Variants in ADGRG3 observed in about 807,000 individuals in gnomAD.
ADGRG3 encodes adhesion G protein-coupled receptor G3, also known as G protein-coupled receptor 97.
A neutral mutation model predicts 54.3 loss-of-function variants in ADGRG3; 39 were observed. The ratio of observed to expected loss-of-function variants is 0.72; its 90% CI spans 0.56 to 0.94. The LOEUF (loss-of-function observed/expected upper bound fraction) is 0.94. Among genes scored for constraint, ADGRG3 ranks in the 40% least tolerant of loss-of-function variants. ADGRG3 has a pLI of 0.00. For synonymous variants in ADGRG3, 312 were observed against 290.0 expected (o/e 1.08, Z -0.77); for missense variants, 654 against 694.6 (o/e 0.94, Z 0.66).
At chr16:57,672,976 G>A (rs1403296094) in intron 1 of ADGRG3, among the ~76,000 whole-genome samples, 1 of 152,220 alleles carries the variant, frequency 6.6e-6, no homozygotes, top group Admixed American at 6.5e-5. Flanking sequence ...TGGAAGGTCT[G>A]ATGTGGAATA....
intron 11 of ADGRG3, 111 bp from the exon 12 acceptor site, chr16:57,688,241 G>A (rs908200530): frequency 1.3e-5 from 10 of 750,438 alleles, no homozygotes; most frequent in Non-Finnish European, 2.5e-5. Flanking sequence ...TTTCCCAGCA[G>A]TTCTTGAGTG....
chr16:57,671,334 T>A (rs985243693), intron 1 of ADGRG3, among the ~76,000 whole-genome samples: 1 of 87,814 alleles, frequency 1.1e-5, no homozygotes, highest in Non-Finnish European at 2.1e-5. Flanking sequence ...GAATAGGAGT[T>A]TTTTTTTTTT....
intron 8 of ADGRG3, 74 bp downstream of exon 8, chr16:57,680,691 T>C (rs1414306879): frequency 9.7e-7 from 1 of 1,030,616 alleles, no homozygotes; most frequent in Non-Finnish European, 1.5e-6. Context: ...GTGGGAAGCA[T>C]TCAGGTTGTG....
rs766114716 is a variant in ADGRG3 at position 57,684,130 on chromosome 16, C to T, written c.1080C>T (p.Ala360=). Residue 360 remains alanine, a synonymous_variant, in exon 9 of 12, where the codon GCC becomes GCT. Transcript: ENST00000333493. The stretch of plus-strand genomic sequence containing the variant: ...CCTTCACCTGGATGGGCCTTGAAGC[C>T]TTCCACCTCTACCTGCTCGCTGTCA... The part of the protein sequence containing the change: ...LCAFTWMGLE[A]FHLYLLAVRV... 53 of 1,614,008 alleles carry T rather than the reference C, an allele frequency of 3.3e-5. No individual in the cohort carries two copies. In the East Asian group the frequency reaches 1.2e-3, roughly 35 times the overall value.
intron 1 of ADGRG3, among the ~76,000 whole-genome samples, chr16:57,669,052 C>A (rs979386094): frequency 6.6e-6 from 1 of 152,214 alleles, no homozygotes; most frequent in Non-Finnish European, 1.5e-5. Flanking sequence ...TGTCCCCCTA[C>A]CCCTTGCCCA....
intron 1 of ADGRG3, 64 bp from the exon 2 acceptor site, chr16:57,673,257 T>G: frequency 4.6e-6 from 7 of 1,517,430 alleles, no homozygotes; most frequent in Non-Finnish European, 4.5e-6. Flanking sequence ...CTCCTTTCCC[T>G]GCTCCTCATC....
At chr16:57,671,745 T>C (rs550419751) in intron 1 of ADGRG3, among the ~76,000 whole-genome samples, 1 of 152,308 alleles carries the variant, frequency 6.6e-6, no homozygotes, top group East Asian at 1.9e-4. Flanking sequence ...CAAGAATTCT[T>C]ATGGCAGATT....
chr16:57,677,615 A>C (rs1211214374), intron 3 of ADGRG3, among the ~76,000 whole-genome samples: 2 of 152,088 alleles, frequency 1.3e-5, no homozygotes, highest in Non-Finnish European at 2.9e-5. Context: ...TGACCACTGA[A>C]ATGTATTTCA....
At position 57,679,834 on chromosome 16, in the gene ADGRG3, G is replaced by A. The variant is rs1441000049; in HGVS notation, c.646G>A (p.Val216Ile). The change falls in exon 6 of 12, where the codon GTA (valine) becomes ATA (isoleucine). Residue 216 changes from valine to isoleucine, a missense_variant. Val to Ile is a conservative substitution (Grantham distance 29). Transcript: ENST00000333493. Reference sequence around the variant, plus strand: ...GTTTCAGAACATGACCCTCACCTGTGTATTCTGGGATGTGACTAAAGGTAG... The same window carrying A: ...GTTTCAGAACATGACCCTCACCTGTATATTCTGGGATGTGACTAAAGGTAG... Reference protein sequence around the residue: ...RPPPNMTLTCVFWDVTKGTTG... With the variant: ...RPPPNMTLTCIFWDVTKGTTG... 1.9e-6 allele frequency: 3 copies of A among 1,612,754 alleles called. No individual in the cohort carries two copies. Among genetic ancestry groups the A allele is most frequent in the Admixed American group, 3.3e-5 (2 of 59,962 alleles).
At chr16:57,681,922 T>C (rs1218635724) in intron 8 of ADGRG3, among the ~76,000 whole-genome samples, 1 of 152,178 alleles carries the variant, frequency 6.6e-6, no homozygotes, top group African/African-American at 2.4e-5. Context: ...TATCAGCCTA[T>C]GCAGTTTTAT....
chr16:57,678,208 T>C lies in ADGRG3; in HGVS notation c.384T>C (p.Pro128=). Residue 128 remains proline (P), a synonymous_variant, in exon 4 of 12, where the codon CCT becomes CCC. Transcript: ENST00000333493. The part of the protein sequence containing the change: ...RQVMKDEDKP[P]DRVRLPKSLF... The stretch of plus-strand genomic sequence containing the variant: ...TGATGAAGGACGAGGACAAGCCCCC[T>C]GACAGAGTGCGACTTCCCAAGAGCC... 1.2e-6 allele frequency: 2 copies of C among 1,614,170 alleles called. No homozygotes were observed. Among genetic ancestry groups the C allele is most frequent in the South Asian group, 2.2e-5 (2 of 91,090 alleles).
chr16:57,682,108 C>T (rs72795504), intron 8 of ADGRG3, among the ~76,000 whole-genome samples: 23,123 of 152,162 alleles, frequency 0.15, 1,972 homozygotes, highest in Admixed American at 0.25. Context: ...AGAGTGGGGA[C>T]GGGCGTTCCT....
intron 2 of ADGRG3, among the ~76,000 whole-genome samples, chr16:57,673,766 AG>A (rs1430602646): frequency 6.6e-6 from 1 of 152,186 alleles, no homozygotes; most frequent in African/African-American, 2.4e-5. Flanking sequence ...ATGGCAGACA[AG>A]GTGCCAGGTT....
intron 11 of ADGRG3, 88 bp from the exon 12 acceptor site, chr16:57,688,264 C>G: frequency 1.2e-6 from 1 of 826,830 alleles, no homozygotes; most frequent in South Asian, 1.3e-5. Flanking sequence ...TACGGTGGGT[C>G]TCCTCCCTCT....
At chr16:57,678,018 C>A in intron 3 of ADGRG3, 152 bp from the exon 4 acceptor site, 1 of 851,504 alleles carries the variant, frequency 1.2e-6, no homozygotes, top group Non-Finnish European at 1.9e-6. Flanking sequence ...GCAGAGCTTG[C>A]ACTGTGCCCC....
At chr16:57,681,098 C>T (rs946250706) in intron 8 of ADGRG3, 15 of 161,920 alleles carry the variant, frequency 9.3e-5, no homozygotes, top group African/African-American at 3.4e-4. Context: ...GAGATCTCCT[C>T]TTTCCAAGTA....
intron 8 of ADGRG3, chr16:57,682,364 C>A: frequency 2.2e-6 from 1 of 450,716 alleles, no homozygotes; most frequent in Non-Finnish European, 2.9e-6. Context: ...CGTCCCTCCG[C>A]CCTCTCCACG....
rs200787706 is a variant in ADGRG3, at chr16:57,685,737, G to A, written c.1351G>A (p.Ala451Thr). The A allele has an allele frequency of 8.1e-6, 13 of 1,614,066 alleles. No individual in the cohort carries two copies. Among genetic ancestry groups the A allele is most frequent in the South Asian group, 5.5e-5 (5 of 91,086 alleles). ...ITFLFGMVVLALVVWKIFTLS... is the reference protein window; with the variant it reads ...ITFLFGMVVLTLVVWKIFTLS... ...CTTCCTCTTTGGCATGGTGGTCCTG[G>A]CCCTGGTGGTCTGGAAGATCTTCAC... The change falls in exon 11 of 12, where the codon GCC becomes ACC. Residue 451 changes from alanine (A) to threonine (T), a missense_variant. Transcript: ENST00000333493.
rs1469381068 is a variant in ADGRG3 at position 57,685,939 on chromosome 16, C to T, written c.1540+13C>T. ...AACTCCTTGCAAGGTGAGGCCCCTG[C>T]ACCAGGGAGGTGATGGGCTGTGTTG... On this transcript the variant is annotated intron_variant, in intron 11 of 11. Transcript: ENST00000333493. The T allele has an allele frequency of 1.9e-6, 3 of 1,611,638 alleles. No homozygotes were observed. The highest frequency in any genetic ancestry group is 1.1e-5 in the South Asian group (1 of 91,016).
Sources: allele counts gnomAD v4.1 joint callset (sites outside exome capture counted in the v4.1 genomes callset), GRCh38; gene constraint gnomAD v4.1.1; transcripts MANE v1.5; gene names NCBI Gene and HGNC (gene_info 2026-07-23, HGNC 2026-07-21).